Variants in ANKFN1 observed in about 807,000 individuals in gnomAD.
ANKFN1 encodes the protein ankyrin repeat and fibronectin type III domain containing 1.
A neutral mutation model predicts 108.7 loss-of-function variants in ANKFN1; 74 were observed. The ratio of observed to expected loss-of-function variants is 0.68; its 90% CI spans 0.56 to 0.83. ANKFN1 has a LOEUF of 0.83. Among genes scored for constraint, ANKFN1 ranks in the 40% least tolerant of loss-of-function variants. The pLI, the probability that ANKFN1 is intolerant of heterozygous loss-of-function variation, is 0.00. For synonymous variants in ANKFN1, 547 were observed against 516.2 expected (o/e 1.06, Z -0.81); for missense variants, 1,505 against 1,382.3 (o/e 1.09, Z -1.41).
At chr17:56,478,116 C>T (rs916621259) in intron 16 of ANKFN1, among the ~76,000 whole-genome samples, 2 of 152,106 alleles carry the variant, frequency 1.3e-5, no homozygotes, top group East Asian at 1.9e-4. Context: ...CATGAGCCAC[C>T]GTGCCCGGCC....
At chr17:56,246,826 A>G (rs1359414036) in intron 3 of ANKFN1, among the ~76,000 whole-genome samples, 2 of 152,170 alleles carry the variant, frequency 1.3e-5, no homozygotes, top group Non-Finnish European at 2.9e-5. Flanking sequence ...TAAAGGGTAG[A>G]CATACATGTT....
At chr17:56,429,097 G>A (rs971744728) in intron 8 of ANKFN1, among the ~76,000 whole-genome samples, 1 of 152,106 alleles carries the variant, frequency 6.6e-6, no homozygotes, top group Admixed American at 6.5e-5. Context: ...ATACAGTGGG[G>A]TAAAAACAGA....
At chr17:56,114,907 AG>A (rs1906171728) in intron 4 of ANKFN1, among the ~76,000 whole-genome samples, 1 of 152,318 alleles carries the variant, frequency 6.6e-6, no homozygotes, top group Admixed American at 6.5e-5. Context: ...CTGGCTTTGA[AG>A]ATGGAGGAAG....
chr17:56,250,765 A>G (rs1376716625), intron 3 of ANKFN1, among the ~76,000 whole-genome samples: 2 of 152,036 alleles, frequency 1.3e-5, no homozygotes, highest in African/African-American at 4.8e-5. Flanking sequence ...TGGTATAACT[A>G]TCATTGATTA....
At chr17:56,237,651 G>A (rs1917253531) in intron 3 of ANKFN1, among the ~76,000 whole-genome samples, 1 of 151,890 alleles carries the variant, frequency 6.6e-6, no homozygotes, top group African/African-American at 2.4e-5. Flanking sequence ...TTCTAATTGT[G>A]TTTATTTGGA....
chr17:56,161,740 A>C (rs1249382553), intron 1 of ANKFN1, among the ~76,000 whole-genome samples: 2 of 152,216 alleles, frequency 1.3e-5, no homozygotes, highest in Non-Finnish European at 2.9e-5. Flanking sequence ...ACATTAAAAA[A>C]AATTAACTTT....
chr17:56,500,157 G>A (rs1213874077), intron 20 of ANKFN1, among the ~76,000 whole-genome samples: 1 of 152,106 alleles, frequency 6.6e-6, no homozygotes, highest in African/African-American at 2.4e-5. Flanking sequence ...AGTTACTTGT[G>A]AATAAGGTAA....
At chr17:56,401,591 C>T (rs2047767668) in intron 8 of ANKFN1, among the ~76,000 whole-genome samples, 1 of 151,908 alleles carries the variant, frequency 6.6e-6, no homozygotes. Flanking sequence ...CTGGAGGAGT[C>T]TTTAGGGTTT....
At chr17:56,336,172 T>G (rs1048112822) in intron 4 of ANKFN1, among the ~76,000 whole-genome samples, 1 of 152,218 alleles carries the variant, frequency 6.6e-6, no homozygotes, top group Non-Finnish European at 1.5e-5. Context: ...TGGTCTAAAA[T>G]TCTCTTTTTT....
chr17:56,140,410 C>T (rs1202738963), intron 4 of ANKFN1, among the ~76,000 whole-genome samples: 2 of 152,208 alleles, frequency 1.3e-5, no homozygotes, highest in African/African-American at 4.8e-5. Flanking sequence ...GATCAACCAT[C>T]CGAAAGGGAG....
chr17:56,265,052 C>G (rs1309147627), intron 3 of ANKFN1, among the ~76,000 whole-genome samples: 1 of 152,098 alleles, frequency 6.6e-6, no homozygotes, highest in Admixed American at 6.5e-5. Context: ...ACATCCCTTT[C>G]CATGCCAGTT....
chr17:56,106,491 A>C (rs1182175984), intron 4 of ANKFN1, among the ~76,000 whole-genome samples: 1 of 152,200 alleles, frequency 6.6e-6, no homozygotes, highest in Non-Finnish European at 1.5e-5. Context: ...CTGGCTCTCA[A>C]ACGCTAGGCT....
In ANKFN1 at chr17:56,195,823, T is replaced by A. The variant is rs577216591; in HGVS notation, c.-70-16775T>A. 3.3e-4 allele frequency among the ~76,000 whole-genome samples: 50 copies of A among 152,266 alleles called. 1 individual carries two copies. In the South Asian group the frequency reaches 9.8e-3, roughly 30 times the overall value. ...TATCTTTATTGATGATGTTCCCATG[T>A]ACTTAAATAAGAAGAAAAAATAAAA... is the stretch of plus-strand genomic sequence containing the variant. On this transcript the variant is annotated intron_variant, in intron 1 of 20. Coordinates refer to ENST00000682825, the MANE Select transcript of ANKFN1 (RefSeq NM_001370326.1).
At chr17:56,463,266 G>C (rs970520048) in intron 14 of ANKFN1, among the ~76,000 whole-genome samples, 3 of 152,074 alleles carry the variant, frequency 2.0e-5, no homozygotes, top group Non-Finnish European at 4.4e-5. Context: ...GCCTAGAAAT[G>C]CTCATTTGTG....
chr17:56,241,332 G>T (rs559895153), intron 3 of ANKFN1, among the ~76,000 whole-genome samples: 2 of 152,196 alleles, frequency 1.3e-5, no homozygotes, highest in East Asian at 3.9e-4. Flanking sequence ...TTTGTATGCT[G>T]TGAAGTAGGG....
chr17:56,417,821 A>G (rs944501232), intron 8 of ANKFN1, among the ~76,000 whole-genome samples: 1 of 152,134 alleles, frequency 6.6e-6, no homozygotes, highest in African/African-American at 2.4e-5. Context: ...GCCCTGTGTT[A>G]TAACTGGGAG....
intron 4 of ANKFN1, among the ~76,000 whole-genome samples, chr17:56,339,584 T>C (rs1309595066): frequency 6.6e-6 from 1 of 152,156 alleles, no homozygotes; most frequent in Non-Finnish European, 1.5e-5. Flanking sequence ...TGTGTTAGTT[T>C]GCTAAGGATA....
chr17:56,100,087 T>G (rs1905612471), intron 4 of ANKFN1, among the ~76,000 whole-genome samples: 1 of 152,226 alleles, frequency 6.6e-6, no homozygotes, highest in Non-Finnish European at 1.5e-5. Context: ...CCACAGGCAC[T>G]AATAATTTGA....
upstream of ANKFN1, among the ~76,000 whole-genome samples, chr17:56,151,877 T>C (rs1271775992): frequency 6.6e-6 from 1 of 152,184 alleles, no homozygotes; most frequent in Non-Finnish European, 1.5e-5. Context: ...TCCCTTGAGC[T>C]TAATGCAGCT....
Sources: gnomAD v4.1 joint callset for allele counts (sites outside exome capture counted in the v4.1 genomes callset) on GRCh38, gnomAD v4.1.1 for gene constraint, MANE v1.5 for transcripts, NCBI Gene and HGNC (gene_info 2026-07-23, HGNC 2026-07-21) for gene names.